NR2C1: variants seen among roughly 807,000 people sequenced by gnomAD.
NR2C1 encodes TR2 nuclear hormone receptor.
In NR2C1, 33 loss-of-function variants were observed where a neutral mutation model predicts 74.8. That is an observed-to-expected ratio of 0.44 (90% CI 0.33 to 0.59). The LOEUF (loss-of-function observed/expected upper bound fraction) is 0.59. Ranked by LOEUF, NR2C1 falls within the 20% of genes least tolerant of loss-of-function variation. The pLI is 0.02. For missense variants in NR2C1, 568 were observed against 715.6 expected (o/e 0.79, Z 2.35); for synonymous variants, 225 against 240.6 (o/e 0.94, Z 0.60).
chr12:95,028,852 C>CTCCTGGGCTCAAGTGATTAGCCCACCTG (rs1478082700), intron 11 of NR2C1, among the ~76,000 whole-genome samples: 1 of 152,154 alleles, frequency 6.6e-6, no homozygotes, highest in East Asian at 1.9e-4. Flanking sequence ...TGTTCTTGAA[C>CTCCTGGGCTCAAGTGATTAGCCCACCTG]TCCTGGGCTC....
chr12:95,057,090 C>T (rs1874025460), intron 7 of NR2C1, among the ~76,000 whole-genome samples: 1 of 147,138 alleles, frequency 6.8e-6, no homozygotes, highest in South Asian at 2.1e-4. Flanking sequence ...AAATTATGAA[C>T]ATTTCTGATT....
At chr12:95,027,415 C>CT (rs1464546642) in intron 12 of NR2C1, among the ~76,000 whole-genome samples, 2 of 152,134 alleles carry the variant, frequency 1.3e-5, no homozygotes, top group African/African-American at 4.8e-5. Flanking sequence ...ATATAAATGT[C>CT]TAACATCCTT....
chr12:95,069,598 T>C (rs1247590598), intron 1 of NR2C1, among the ~76,000 whole-genome samples: 1 of 152,238 alleles, frequency 6.6e-6, no homozygotes, highest in Non-Finnish European at 1.5e-5. Flanking sequence ...TCATCTGTGA[T>C]AAAATCACTT....
At chr12:95,055,952 CAAAAAAAAAA>C (rs3048563) in intron 7 of NR2C1, among the ~76,000 whole-genome samples, 1 of 56,512 alleles carries the variant, frequency 1.8e-5, no homozygotes, top group African/African-American at 7.5e-5. Context: ...GACTCCGTCT[CAAAAAAAAAA>C]AAAAAAAAAA....
intron 12 of NR2C1, among the ~76,000 whole-genome samples, chr12:95,027,513 G>C (rs1869506379): frequency 6.6e-6 from 1 of 152,274 alleles, no homozygotes; most frequent in Middle Eastern, 3.4e-3. Context: ...GAGGCGGGTA[G>C]ATCACCTTAG....
At position 95,065,500 on chromosome 12, in the gene NR2C1, T is replaced by C. The variant is rs527642781; in HGVS notation, c.54+1831A>G. Among the ~76,000 whole-genome samples, 104 of 152,266 alleles carry C rather than the reference T, an allele frequency of 6.8e-4. 1 individual carries two copies. The highest frequency in any genetic ancestry group is 2.4e-3 in the African/African-American group (99 of 41,542). ...TTTATTTTTAATTTTCGTGGGTACATAGGTGTGTATTATCTTTGGGGTACG... is the reference window on the plus strand; with the variant it reads ...TTTATTTTTAATTTTCGTGGGTACACAGGTGTGTATTATCTTTGGGGTACG... On this transcript the variant is annotated intron_variant, in intron 2 of 13. Transcript: ENST00000333003.
At chr12:95,071,641 A>T (rs1039638389) in intron 1 of NR2C1, among the ~76,000 whole-genome samples, 1 of 152,150 alleles carries the variant, frequency 6.6e-6, no homozygotes, top group Non-Finnish European at 1.5e-5. Flanking sequence ...TCTGGATAAC[A>T]AAATGAGGCC....
At chr12:95,048,628 T>G (rs1872602060) in intron 9 of NR2C1, among the ~76,000 whole-genome samples, 1 of 151,418 alleles carries the variant, frequency 6.6e-6, no homozygotes, top group African/African-American at 2.4e-5. Context: ...ATGAGTTTTT[T>G]TTTTTTTTTT....
rs1042456907 is a variant in NR2C1 at position 95,062,690 on chromosome 12, G to C, written c.103C>G (p.Leu35Val). ...TGQKIQIVTA[L>V]DHNTQGKQFI... ...TGCTTGCCTTGGGTATTATGATCAA[G>C]TGCTGTCACAATCTGGATTTTCTGC... Residue 35 changes from leucine (L) to valine (V), a missense_variant, in exon 3 of 14, where the codon CTT becomes GTT. Physicochemically the swap from Leu to Val is conservative, Grantham distance 32 (BLOSUM62 1). Transcript: ENST00000333003. 18 of 1,614,046 alleles carry C rather than the reference G, an allele frequency of 1.1e-5. No individual in the cohort carries two copies. Among genetic ancestry groups the C allele is most frequent in the Non-Finnish European group, 1.4e-5 (17 of 1,180,026 alleles).
chr12:95,040,626 A>G lies in NR2C1; in HGVS notation c.1132-29T>C, dbSNP rs183766995. ...GTATGAACAGGGATTTAGGTAAATT[A>G]TCTTATGACTGAAAAGTTCTAAATT... is the stretch of plus-strand genomic sequence containing the variant. On this transcript the variant is annotated intron_variant, in intron 9 of 13. Transcript: ENST00000333003. 21 of 1,558,968 alleles carry G rather than the reference A, an allele frequency of 1.3e-5. No individual in the cohort carries two copies. In the Admixed American group the frequency reaches 1.7e-4, roughly 13 times the overall value.
chr12:95,041,375 G>A (rs1432014143), intron 9 of NR2C1, among the ~76,000 whole-genome samples: 1 of 152,060 alleles, frequency 6.6e-6, no homozygotes, highest in Non-Finnish European at 1.5e-5. Context: ...CCAGCTACCC[G>A]GGAGGCTGAG....
chr12:95,062,618 G>C lies in NR2C1; in HGVS notation c.175C>G (p.Leu59Val). 1 of 1,614,140 alleles carries C rather than the reference G, an allele frequency of 6.2e-7. No individual in the cohort carries two copies. Among genetic ancestry groups the C allele is most frequent in the African/African-American group, 1.3e-5 (1 of 75,046 alleles). ...HDGSTPSKVI[L>V]ARQDSTPGKV... ...CCCGGAGTGGAATCTTGCCTGGCCA[G>C]AATGACTTTGCTTGGAGTAGAGCCG... is the stretch of plus-strand genomic sequence containing the variant. The change falls in exon 3 of 14, where the codon CTG becomes GTG. Residue 59 changes from leucine to valine, a missense_variant. This residue lies in a region of NR2C1 where 128 missense variants were observed against 118.9 expected (regional missense o/e 1.08). Transcript: ENST00000333003.
chr12:95,028,167 C>A, intron 12 of NR2C1: 1 of 414,620 alleles, frequency 2.4e-6, no homozygotes, highest in Non-Finnish European at 4.3e-6. Context: ...TATTTATATA[C>A]ACATTCTTGC....
chr12:95,066,798 G>A (rs1202327604), intron 2 of NR2C1: 1 of 153,712 alleles, frequency 6.5e-6, no homozygotes, highest in African/African-American at 2.4e-5. Flanking sequence ...GTATACCTGG[G>A]AGAGAACAAT....
Position 95,059,901 on chromosome 12 carries a change from G to A in NR2C1, c.364+5C>T, listed in dbSNP as rs752170454. The A allele has an allele frequency of 1.6e-5, 24 of 1,534,256 alleles. No homozygotes were observed. The Admixed American group carries it at 4.6e-4, about 29-fold the overall frequency. On this transcript the variant is annotated splice_donor_5th_base_variant and intron_variant, in intron 4 of 13. Coordinates refer to ENST00000333003, the MANE Select transcript of NR2C1 (RefSeq NM_003297.4). ...CTGTTTTTAGGAGGTTATTCTTAAT[G>A]TTACCTGATGCTTTGTCTCCACATA...
At chr12:95,061,655 A>G (rs1874800817) in intron 3 of NR2C1, among the ~76,000 whole-genome samples, 1 of 152,200 alleles carries the variant, frequency 6.6e-6, no homozygotes, top group Non-Finnish European at 1.5e-5. Flanking sequence ...TTATGAATTC[A>G]GAGTTTTTCA....
At chr12:95,039,196 C>T (rs1325054895) in intron 10 of NR2C1, among the ~76,000 whole-genome samples, 1 of 152,168 alleles carries the variant, frequency 6.6e-6, no homozygotes, top group African/African-American at 2.4e-5. Context: ...AATATCTGAG[C>T]ACATGATTTA....
intron 7 of NR2C1, among the ~76,000 whole-genome samples, chr12:95,055,647 T>C (rs1041575509): frequency 2.0e-5 from 3 of 152,074 alleles, no homozygotes; most frequent in Non-Finnish European, 4.4e-5. Context: ...CAAATAATCT[T>C]ATAGGTTATA....
At chr12:95,023,556 G>A (rs1869007008) in intron 13 of NR2C1, among the ~76,000 whole-genome samples, 1 of 152,036 alleles carries the variant, frequency 6.6e-6, no homozygotes, top group Non-Finnish European at 1.5e-5. Flanking sequence ...AAGACCGCTG[G>A]GTTCAAATCT....
Sources: gnomAD v4.1 joint callset for allele counts (sites outside exome capture counted in the v4.1 genomes callset) on GRCh38, gnomAD v4.1.1 for gene constraint, gnomAD v4.1.1 regional missense constraint, MANE v1.5 for transcripts, NCBI Gene and HGNC (gene_info 2026-07-23, HGNC 2026-07-21) for gene names.